CACNA2D4: variants seen among roughly 807,000 people sequenced by gnomAD.
CACNA2D4 encodes the protein voltage-dependent calcium channel subunit alpha-2/delta-4.
A neutral mutation model predicts 163.8 loss-of-function variants in CACNA2D4; 157 were observed. The observed-to-expected ratio is 0.96, with a 90% confidence interval of 0.84 to 1.09. CACNA2D4 has a LOEUF of 1.09. Ranked by LOEUF, CACNA2D4 falls within the 50% of genes least tolerant of loss-of-function variation. The pLI, the probability that CACNA2D4 is intolerant of heterozygous loss-of-function variation, is 0.00. For missense variants in CACNA2D4, 1,410 were observed against 1,479.9 expected (o/e 0.95, Z 0.78); for synonymous variants, 598 against 586.9 (o/e 1.02, Z -0.27).
At position 1,874,480 on chromosome 12, in the gene CACNA2D4, G is replaced by T. The variant is rs1865844489; in HGVS notation, c.1878+124C>A. ...CGTATACTCCCTAATGGACCCTCTA[G>T]GTGCAGCAAGCACTCAACTCTTCAG... On this transcript the variant is annotated intron_variant, in intron 18 of 37. Coordinates refer to ENST00000382722, the MANE Select transcript of CACNA2D4 (RefSeq NM_172364.5). The surrounding 1 kb of genome is among the most constrained non-coding windows in gnomAD (Gnocchi z 4.4). The T allele has an allele frequency of 1.0e-5, 7 of 678,282 alleles. No homozygotes were observed. Among genetic ancestry groups the T allele is most frequent in the Non-Finnish European group, 1.6e-5 (6 of 373,348 alleles). The allele number at this position is 678,282 out of a possible 1,614,324, so 42.0% of individuals were successfully genotyped here. A position where few individuals can be genotyped will look rare whatever the true frequency, so the allele number is the denominator to read the frequency against.
chr12:1,831,460 A>T, intron 26 of CACNA2D4: 1 of 1,614,062 alleles, frequency 6.2e-7, no homozygotes, highest in Non-Finnish European at 8.5e-7. Flanking sequence ...GTCGGGGATA[A>T]CCCCTGGGAG....
Position 1,869,040 on chromosome 12 carries a change from A to G in CACNA2D4, c.1878+5564T>C, listed in dbSNP as rs1476975267. Among the ~76,000 whole-genome samples the G allele has an allele frequency of 6.6e-6, 1 of 152,176 alleles. No homozygotes were observed. The highest frequency in any genetic ancestry group is 2.4e-5 in the African/African-American group (1 of 41,448). ...GGTATCTTTGGGGTGTCCTGGTCCA[A>G]TCCCCATGGATGCTGAGGGATGACT... On this transcript the variant is annotated intron_variant, in intron 18 of 37. Coordinates refer to ENST00000382722, the MANE Select transcript of CACNA2D4 (RefSeq NM_172364.5). This position sits in a 1 kb window ranked among gnomAD's most constrained non-coding sequence, Gnocchi z 4.7.
chr12:1,835,391 C>G (rs1864813473), intron 26 of CACNA2D4: 1 of 152,504 alleles, frequency 6.6e-6, no homozygotes, highest in South Asian at 2.1e-4. Context: ...CATTGCATCA[C>G]CAGTGCGGTC....
In CACNA2D4 at chr12:1,840,815, A is replaced by C; in HGVS notation, c.2475T>G (p.Ser825Arg). The change falls in exon 26 of 38, where the codon AGT (serine) becomes AGG (arginine). Residue 825 changes from serine to arginine, a missense_variant. Coordinates refer to ENST00000382722, the MANE Select transcript of CACNA2D4 (RefSeq NM_172364.5). ...CCGTCACCACCATGGGTTCACCCGC[A>C]CTTTCTGGGGAAACAGAGACAACCC... ...FNLRWAEGPESAGEPMVVTAS... is the reference protein window; with the variant it reads ...FNLRWAEGPERAGEPMVVTAS... The C allele has an allele frequency of 6.2e-7, 1 of 1,605,990 alleles. No individual in the cohort carries two copies. The highest frequency in any genetic ancestry group is 8.5e-7 in the Non-Finnish European group (1 of 1,178,410).
chr12:1,846,047 C>A (rs1865135815), intron 24 of CACNA2D4, among the ~76,000 whole-genome samples: 1 of 152,116 alleles, frequency 6.6e-6, no homozygotes, highest in Non-Finnish European at 1.5e-5. Flanking sequence ...AGTAAGAGAC[C>A]GCAAATCTCC....
intron 18 of CACNA2D4, among the ~76,000 whole-genome samples, chr12:1,873,437 AAGC>A (rs1299223407): frequency 6.6e-6 from 1 of 152,228 alleles, no homozygotes; most frequent in Non-Finnish European, 1.5e-5. Context: ...AGAAGCATAA[AAGC>A]AGCACGAGAT....
intron 23 of CACNA2D4, among the ~76,000 whole-genome samples, chr12:1,853,002 C>T (rs1865319609): frequency 6.6e-6 from 1 of 152,124 alleles, no homozygotes; most frequent in Non-Finnish European, 1.5e-5. Context: ...GCCTGGCCCA[C>T]TAGATTGTTT....
At chr12:1,796,773 C>T (rs1863140970) in intron 35 of CACNA2D4, among the ~76,000 whole-genome samples, 2 of 152,184 alleles carry the variant, frequency 1.3e-5, no homozygotes, top group South Asian at 4.1e-4. Flanking sequence ...AGGCGACCCT[C>T]GAGGAGGCCG....
intron 29 of CACNA2D4, among the ~76,000 whole-genome samples, chr12:1,805,998 AG>A (rs1209120328): frequency 6.6e-6 from 1 of 152,168 alleles, no homozygotes; most frequent in African/African-American, 2.4e-5. Context: ...CCCTGCTCTG[AG>A]GGCCTGCCTG....
At position 1,802,934 on chromosome 12, in the gene CACNA2D4, T is replaced by C. The variant is rs1863389493; in HGVS notation, c.2722-1290A>G. Among the ~76,000 whole-genome samples, 1 of 152,242 alleles carries C rather than the reference T, an allele frequency of 6.6e-6. No individual in the cohort carries two copies. The highest frequency in any genetic ancestry group is 2.4e-5 in the African/African-American group (1 of 41,458). On this transcript the variant is annotated intron_variant, in intron 29 of 37. Coordinates refer to ENST00000382722, the MANE Select transcript of CACNA2D4 (RefSeq NM_172364.5). The surrounding 1 kb of genome is among the most constrained non-coding windows in gnomAD (Gnocchi z 4.7). Reference sequence around the variant, plus strand: ...AGAACAGGACCATGTCTTACTCATCTCTGAATTCCCCAAAGTGTCTTGGTA... The same window carrying C: ...AGAACAGGACCATGTCTTACTCATCCCTGAATTCCCCAAAGTGTCTTGGTA...
At position 1,833,495 on chromosome 12, in the gene CACNA2D4, C is replaced by T. The variant is rs558639579; in HGVS notation, c.2551+7244G>A. On this transcript the variant is annotated intron_variant, in intron 26 of 37. Coordinates refer to ENST00000382722, the MANE Select transcript of CACNA2D4 (RefSeq NM_172364.5). This position sits in a 1 kb window ranked among gnomAD's most constrained non-coding sequence, Gnocchi z 4.2. ...ATGAAGACATCCTGGCGAGCCCGTG[C>T]GCCCAGGTACCCACACCTCCTCATC... 2.0e-5 allele frequency among the ~76,000 whole-genome samples: 3 copies of T among 152,292 alleles called. No homozygotes were observed. The highest frequency in any genetic ancestry group is 1.9e-4 in the East Asian group (1 of 5,182).
At chr12:1,906,064 G>A (rs952328984) in intron 6 of CACNA2D4, among the ~76,000 whole-genome samples, 6 of 152,150 alleles carry the variant, frequency 3.9e-5, no homozygotes, top group Admixed American at 2.0e-4. Flanking sequence ...AGAGTACCAA[G>A]ACCATTCAAT....
intron 18 of CACNA2D4, among the ~76,000 whole-genome samples, chr12:1,861,157 T>A (rs922723603): frequency 6.6e-6 from 1 of 152,204 alleles, no homozygotes; most frequent in African/African-American, 2.4e-5. Flanking sequence ...TTTTGGAAAC[T>A]GGAGCGAGGT....
chr12:1,907,326 G>A (rs1866682809), intron 6 of CACNA2D4, 114 bp downstream of exon 6: 1 of 959,670 alleles, frequency 1.0e-6, no homozygotes, highest in African/African-American at 1.6e-5. Context: ...CTTTGGGATA[G>A]GAGGACCAGC....
intron 26 of CACNA2D4, among the ~76,000 whole-genome samples, chr12:1,824,501 C>T (rs572468151): frequency 7.7e-4 from 117 of 152,294 alleles, no homozygotes; most frequent in African/African-American, 2.6e-3. Flanking sequence ...CCAGGGACTC[C>T]GTGGAGGCCT....
chr12:1,884,219 G>A (rs1866077251), intron 12 of CACNA2D4, 24 bp downstream of exon 12: 1 of 1,604,334 alleles, frequency 6.2e-7, no homozygotes, highest in Non-Finnish European at 8.5e-7. Context: ...CAGGTGGGAA[G>A]GTACCTGCTG....
intron 29 of CACNA2D4, among the ~76,000 whole-genome samples, chr12:1,804,446 G>A (rs910059024): frequency 1.3e-5 from 2 of 152,124 alleles, no homozygotes; most frequent in Non-Finnish European, 2.9e-5. Flanking sequence ...TTAGACCCTG[G>A]ATTCTGAGAA....
rs1864476260 is a variant in CACNA2D4 at position 1,828,676 on chromosome 12, T to C, written c.2551+12063A>G. On this transcript the variant is annotated intron_variant, in intron 26 of 37. Coordinates refer to ENST00000382722, the MANE Select transcript of CACNA2D4 (RefSeq NM_172364.5). The surrounding 1 kb of genome is among the most constrained non-coding windows in gnomAD (Gnocchi z 4.2). Reference sequence around the variant, plus strand: ...GGAGCTGGGTCAGCTTGGAGATGTCTCTTATGCTCCTTATGCCTCCGCTTT... The same window carrying C: ...GGAGCTGGGTCAGCTTGGAGATGTCCCTTATGCTCCTTATGCCTCCGCTTT... Among the ~76,000 whole-genome samples the C allele has an allele frequency of 6.6e-6, 1 of 152,138 alleles. No homozygotes were observed. Among genetic ancestry groups the C allele is most frequent in the South Asian group, 2.1e-4 (1 of 4,810 alleles).
In CACNA2D4 at chr12:1,843,619, G is replaced by A. The variant is rs962338389; in HGVS notation, c.2470+783C>T. Among the ~76,000 whole-genome samples the A allele has an allele frequency of 2.0e-5, 3 of 152,216 alleles. No homozygotes were observed. The highest frequency in any genetic ancestry group is 7.2e-5 in the African/African-American group (3 of 41,444). On this transcript the variant is annotated intron_variant, in intron 25 of 37. Transcript: ENST00000382722. The surrounding 1 kb of genome is among the most constrained non-coding windows in gnomAD (Gnocchi z 4.6). ...TGGACAAGCCCCGGAAGCTCCCTGGGCCACAGTCACTTCGAGTGTAAATCA... is the reference window on the plus strand; with the variant it reads ...TGGACAAGCCCCGGAAGCTCCCTGGACCACAGTCACTTCGAGTGTAAATCA...
Sources: allele counts gnomAD v4.1 joint callset (sites outside exome capture counted in the v4.1 genomes callset), GRCh38; gene constraint gnomAD v4.1.1; non-coding constraint Gnocchi (gnomAD v3.1); transcripts MANE v1.5; gene names NCBI Gene and HGNC (gene_info 2026-07-23, HGNC 2026-07-21).